The following TBCD variants were observed in gnomAD, a reference collection of about 807,000 sequenced individuals.
TBCD encodes the protein tubulin-specific chaperone D.
A neutral mutation model predicts 169.3 loss-of-function variants in TBCD; 105 were observed. The ratio of observed to expected loss-of-function variants is 0.62; its 90% confidence interval spans 0.53 to 0.73. TBCD has a LOEUF of 0.73. TBCD is among the 30% of genes least tolerant of loss of function. The pLI, the probability that TBCD is intolerant of heterozygous loss-of-function variation, is 0.00. For missense variants in TBCD, 1,444 were observed against 1,600.1 expected, an observed-to-expected ratio of 0.90 and a Z score of 1.66; for synonymous variants, 700 against 643.9, an observed-to-expected ratio of 1.09 and a Z score of -1.32.
At chr17:82,830,351 C>A (rs770305897) in intron 13 of TBCD, 9 of 1,613,630 alleles carry the variant, frequency 5.6e-6, no homozygotes, top group African/African-American at 1.3e-5. Context: ...GCCGCAGCAT[C>A]CCCATCGCCC....
chr17:82,757,361 C>T (rs1377114876), intron 2 of TBCD, among the ~76,000 whole-genome samples: 1 of 152,140 alleles, frequency 6.6e-6, no homozygotes, highest in Non-Finnish European at 1.5e-5. Context: ...TGGCTCATGC[C>T]TGTAATCCCA....
chr17:82,814,734 C>A, intron 12 of TBCD, 106 bp from the exon 13 acceptor site: 1 of 1,073,292 alleles, frequency 9.3e-7, no homozygotes, highest in Non-Finnish European at 1.4e-6. Flanking sequence ...GTGAGCCTTA[C>A]AGGCAGAGGA....
At chr17:82,855,641 A>G (rs2056211491) in intron 13 of TBCD, among the ~76,000 whole-genome samples, 1 of 152,206 alleles carries the variant, frequency 6.6e-6, no homozygotes, top group Admixed American at 6.5e-5. Context: ...TTCACATAAC[A>G]TAAAAATAAC....
At chr17:82,844,198 A>G (rs953638315) in intron 13 of TBCD, among the ~76,000 whole-genome samples, 2 of 12,652 alleles carry the variant, frequency 1.6e-4, no homozygotes, top group Admixed American at 1.3e-3. Context: ...GTGGGGGTGG[A>G]TGTTCTCCGT....
At chr17:82,828,948 C>T (rs1465032932) in intron 13 of TBCD, among the ~76,000 whole-genome samples, 1 of 149,010 alleles carries the variant, frequency 6.7e-6, no homozygotes, top group African/African-American at 2.5e-5. Flanking sequence ...ATGCCCCCCA[C>T]GGATATGCAC....
chr17:82,838,782 C>G (rs2145407543), intron 13 of TBCD: 2 of 985,408 alleles, frequency 2.0e-6, no homozygotes, highest in African/African-American at 1.7e-5. Context: ...GAAAAACAAC[C>G]AGGGGCTCTT....
intron 16 of TBCD, among the ~76,000 whole-genome samples, chr17:82,892,599 C>A (rs373821741): frequency 6.6e-6 from 1 of 152,020 alleles, no homozygotes; most frequent in Non-Finnish European, 1.5e-5. Flanking sequence ...CGTTGACTTG[C>A]GAAGCTATTA....
At position 82,832,004 on chromosome 17, in the gene TBCD, G is replaced by C. The variant is rs1437850471; in HGVS notation, c.1318+17070G>C. ...GGCCGAGCTGCGCCTTCCAGAGCAGGCTGGGCACCGAGGGCGGCTTCCGGA... is the reference window on the plus strand; with the variant it reads ...GGCCGAGCTGCGCCTTCCAGAGCAGCCTGGGCACCGAGGGCGGCTTCCGGA... On this transcript the variant is annotated intron_variant, in intron 13 of 38. Transcript: ENST00000355528. This position sits in a 1 kb window ranked among gnomAD's most constrained non-coding sequence, Gnocchi z 4.9. 9 of 1,612,622 alleles carry C rather than the reference G, an allele frequency of 5.6e-6. No homozygotes were observed. The highest frequency in any genetic ancestry group is 7.6e-6 in the Non-Finnish European group (9 of 1,178,924).
rs182858151 is a variant in TBCD at position 82,859,744 on chromosome 17, G to T, written c.1319-10480G>T. 287 of 985,458 alleles carry T rather than the reference G, an allele frequency of 2.9e-4. 1 individual carries two copies. The highest frequency in any genetic ancestry group is 8.0e-4 in the South Asian group (17 of 21,270). The allele number at this position is 985,458 out of a possible 1,614,324, so 61.0% of individuals were successfully genotyped here. On this transcript the variant is annotated intron_variant, in intron 13 of 38. Transcript: ENST00000355528. ...GGAAAGATTCCAGTCCACAGTGGGGGCTGCTGCCCAGACTCACCCTGAATA... is the reference window on the plus strand; with the variant it reads ...GGAAAGATTCCAGTCCACAGTGGGGTCTGCTGCCCAGACTCACCCTGAATA...
At chr17:82,763,444 GAGAC>G (rs2047868783) in intron 2 of TBCD, among the ~76,000 whole-genome samples, 1 of 152,070 alleles carries the variant, frequency 6.6e-6, no homozygotes, top group Non-Finnish European at 1.5e-5. Context: ...TGTTTTTTAA[GAGAC>G]AGGGTTTTGG....
chr17:82,755,482 GCTGT>G (rs1213664124), intron 1 of TBCD, among the ~76,000 whole-genome samples: 2 of 152,178 alleles, frequency 1.3e-5, no homozygotes, highest in African/African-American at 4.8e-5. Flanking sequence ...TTCAGGGCCT[GCTGT>G]CTGTCATGTG....
Position 82,809,692 on chromosome 17 carries a change from T to C in TBCD, c.1149-16T>C, listed in dbSNP as rs375481299. Reference sequence around the variant, plus strand: ...GCTGGTGGTGCCCCTGACGGATTGCTGCGTTTCTCTTTCAGCATCGGTAGG... The same window carrying C: ...GCTGGTGGTGCCCCTGACGGATTGCCGCGTTTCTCTTTCAGCATCGGTAGG... On this transcript the variant is annotated splice_polypyrimidine_tract_variant and intron_variant, in intron 11 of 38. Transcript: ENST00000355528. 1.5e-4 allele frequency: 242 copies of C among 1,612,012 alleles called. No individual in the cohort carries two copies. In the African/African-American group the frequency reaches 3.0e-3, roughly 20 times the overall value.
intron 2 of TBCD, among the ~76,000 whole-genome samples, chr17:82,758,404 T>TA (rs1312618695): frequency 1.1e-3 from 84 of 79,416 alleles, no homozygotes; most frequent in Admixed American, 3.8e-3. Flanking sequence ...AAAAAAAAAA[T>TA]AAATAAATAA....
rs116984599 is a variant in TBCD, at chr17:82,879,796, G to T, written c.1476-4349G>T. Among the ~76,000 whole-genome samples the T allele has an allele frequency of 5.7e-4, 87 of 152,304 alleles. 1 individual carries two copies. The East Asian group carries it at 0.016, about 28-fold the overall frequency. On this transcript the variant is annotated intron_variant, in intron 14 of 38. Transcript: ENST00000355528. Reference sequence around the variant, plus strand: ...GTCCTGATAGTTTACCATTTCTGGAGTGTCTTATAAACGGAAATAATCAGT... The same window carrying T: ...GTCCTGATAGTTTACCATTTCTGGATTGTCTTATAAACGGAAATAATCAGT...
At chr17:82,924,309 C>T (rs1200867491) in intron 26 of TBCD, among the ~76,000 whole-genome samples, 3 of 152,096 alleles carry the variant, frequency 2.0e-5, no homozygotes, top group Non-Finnish European at 2.9e-5. Context: ...GTGTTTCACT[C>T]GTTAATACAT....
intron 7 of TBCD, chr17:82,795,710 G>A (rs1277884566): frequency 2.1e-5 from 14 of 660,798 alleles, no homozygotes; most frequent in South Asian, 6.7e-5. Context: ...CTGTGGCCTC[G>A]CAGGGTGGGG....
chr17:82,920,612 G>A lies in TBCD; in HGVS notation c.2095G>A (p.Val699Ile), dbSNP rs368050308. 469 of 1,550,122 alleles carry A rather than the reference G, an allele frequency of 3.0e-4. No homozygotes were observed. The highest frequency in any genetic ancestry group is 4.0e-4 in the Non-Finnish European group (456 of 1,147,248). Residue 699 changes from valine (V) to isoleucine (I), a missense_variant, in exon 24 of 39, where the codon GTA becomes ATA. Transcript: ENST00000355528. The surrounding 1 kb of genome is among the most constrained non-coding windows in gnomAD (Gnocchi z 4.1). ...CAAAATGCCCTTTAGAGGTGACACC[G>A]TAATTGGTAAGTGCTTTTGTTTTTA... ...LSKMPFRGDT[V>I]IDGWQWLIND...
intron 37 of TBCD, among the ~76,000 whole-genome samples, chr17:82,940,221 G>GCACACACACA (rs71168175): frequency 0.013 from 1,672 of 131,786 alleles, 17 homozygotes; most frequent in African/African-American, 0.03. Context: ...TTGCACGCGC[G>GCACACACACA]CACACACACA....
At chr17:82,904,565 C>T (rs375247940) in intron 19 of TBCD, among the ~76,000 whole-genome samples, 1 of 152,202 alleles carries the variant, frequency 6.6e-6, no homozygotes, top group African/African-American at 2.4e-5. Flanking sequence ...TTTGTTCTGT[C>T]TTGTTTTTTT....
Sources: gnomAD v4.1 joint callset for allele counts (sites outside exome capture counted in the v4.1 genomes callset) on GRCh38, gnomAD v4.1.1 for gene constraint, Gnocchi (gnomAD v3.1) non-coding constraint, MANE v1.5 for transcripts, NCBI Gene and HGNC (gene_info 2026-07-23, HGNC 2026-07-21) for gene names.